The following CCDC12 variants were observed in gnomAD, a reference collection of about 807,000 sequenced individuals.
CCDC12 encodes coiled-coil domain-containing protein 12.
Under a neutral mutation model 25.7 loss-of-function variants are expected in CCDC12, and 28 were observed. That is an observed-to-expected ratio of 1.09 (90% CI 0.81 to 1.50). The LOEUF is 1.50. CCDC12 is among the 40% of genes most tolerant of loss of function. CCDC12 has a pLI of 0.00. For synonymous variants in CCDC12, 75 were observed against 87.7 expected (o/e 0.86, Z 0.81); for missense variants, 198 against 210.0 (o/e 0.94, Z 0.35).
At chr3:46,976,968 A>AG (rs1261452468), upstream of CCDC12, 56 of 546,128 alleles carry the variant, frequency 1.0e-4, no homozygotes, top group African/African-American at 1.4e-4. Flanking sequence ...AAAAAAAAAA[A>AG]AGAAAAAAAA....
chr3:46,979,085 A>G (rs1375106826), upstream of CCDC12, among the ~76,000 whole-genome samples: 1 of 151,980 alleles, frequency 6.6e-6, no homozygotes, highest in African/African-American at 2.4e-5. Context: ...GAATGGGGGG[A>G]GCCCCTCCAC....
chr3:46,925,060 A>T (rs1051786722), intron 3 of CCDC12: 8 of 368,098 alleles, frequency 2.2e-5, no homozygotes, highest in Middle Eastern at 9.6e-4. Context: ...TGTGTGGCTG[A>T]ATGACTGGCC....
At chr3:46,978,920 T>C (rs1028123483), upstream of CCDC12, among the ~76,000 whole-genome samples, 2 of 152,036 alleles carry the variant, frequency 1.3e-5, no homozygotes, top group African/African-American at 4.8e-5. Context: ...GAGGCGGAGA[T>C]TGCAGTGAGC....
chr3:46,940,737 A>G, intron 2 of CCDC12: 1 of 510,300 alleles, frequency 2.0e-6, no homozygotes, highest in Non-Finnish European at 3.5e-6. Flanking sequence ...AAGGGTAAAA[A>G]GGCATAATGT....
intron 2 of CCDC12, among the ~76,000 whole-genome samples, chr3:46,933,929 T>TC (rs1482547913): frequency 1.3e-5 from 2 of 151,536 alleles, no homozygotes; most frequent in Admixed American, 6.6e-5. Flanking sequence ...ATTGAAAATT[T>TC]TTTTTTTTTT....
chr3:46,944,642 C>T (rs892308011), intron 1 of CCDC12, among the ~76,000 whole-genome samples: 4 of 152,048 alleles, frequency 2.6e-5, no homozygotes, highest in Non-Finnish European at 4.4e-5. Flanking sequence ...TAGCTCCCCA[C>T]CACAACCAAG....
At chr3:46,955,425 GC>G (rs893352175) in intron 1 of CCDC12, among the ~76,000 whole-genome samples, 9 of 152,154 alleles carry the variant, frequency 5.9e-5, no homozygotes, top group African/African-American at 1.9e-4. Context: ...TGCATCCAAA[GC>G]CTGAATGCCA....
At chr3:46,957,250 A>T (rs1013194166) in intron 1 of CCDC12, among the ~76,000 whole-genome samples, 1 of 152,122 alleles carries the variant, frequency 6.6e-6, no homozygotes, top group African/African-American at 2.4e-5. Flanking sequence ...ATAAGATTTG[A>T]TTCAAGATTG....
intron 3 of CCDC12, chr3:46,925,193 C>T: frequency 1.5e-6 from 1 of 653,406 alleles, no homozygotes; most frequent in South Asian, 1.5e-5. Flanking sequence ...TTTTCAAACC[C>T]CACTCAGATC....
chr3:46,933,836 C>T (rs998522159), intron 2 of CCDC12, among the ~76,000 whole-genome samples: 1 of 152,140 alleles, frequency 6.6e-6, no homozygotes, highest in Non-Finnish European at 1.5e-5. Flanking sequence ...TGTTACAAAA[C>T]AGCATGATAT....
At chr3:46,977,126 A>C (rs2035023484), upstream of CCDC12, 1 of 200,890 alleles carries the variant, frequency 5.0e-6, no homozygotes, top group Non-Finnish European at 1.0e-5. Flanking sequence ...GGCCTCTTGG[A>C]ATGCCCTGAC....
At chr3:46,956,195 G>A (rs2034283533) in intron 1 of CCDC12, among the ~76,000 whole-genome samples, 1 of 152,186 alleles carries the variant, frequency 6.6e-6, no homozygotes, top group Non-Finnish European at 1.5e-5. Flanking sequence ...AAACTGGTAG[G>A]GCTGCAGAGG....
At chr3:46,954,099 G>A (rs1406619655) in intron 1 of CCDC12, among the ~76,000 whole-genome samples, 3 of 71,826 alleles carry the variant, frequency 4.2e-5, no homozygotes, top group African/African-American at 1.3e-4. Context: ...CTTCCCCATT[G>A]CCTCACAGTG....
chr3:46,979,794 C>T, upstream of CCDC12: 1 of 383,974 alleles, frequency 2.6e-6, no homozygotes, highest in Non-Finnish European at 4.6e-6. Context: ...TGGCCGAGGG[C>T]AACCGGCGGG....
intron 1 of CCDC12, among the ~76,000 whole-genome samples, chr3:46,949,805 G>A (rs1176779918): frequency 6.6e-6 from 1 of 152,208 alleles, no homozygotes; most frequent in South Asian, 2.1e-4. Flanking sequence ...AAGGCAGGTG[G>A]ATCATAAGGT....
chr3:46,937,283 C>G (rs551780796), intron 2 of CCDC12, among the ~76,000 whole-genome samples: 1 of 152,324 alleles, frequency 6.6e-6, no homozygotes, highest in East Asian at 1.9e-4. Context: ...CCACCCAAAC[C>G]CTACCATCTG....
intron 2 of CCDC12, among the ~76,000 whole-genome samples, chr3:46,934,065 G>A (rs1488438765): frequency 1.1e-4 from 17 of 152,136 alleles, no homozygotes; most frequent in Middle Eastern, 3.4e-3. Flanking sequence ...GATTACAGGC[G>A]TGAGCCACAG....
At chr3:46,946,520 C>A (rs554706426) in intron 1 of CCDC12, among the ~76,000 whole-genome samples, 10 of 152,370 alleles carry the variant, frequency 6.6e-5, no homozygotes, top group African/African-American at 2.4e-4. Flanking sequence ...ACTGTCACAG[C>A]CTGCAGAGCA....
intron 1 of CCDC12, among the ~76,000 whole-genome samples, chr3:46,964,552 T>C (rs902843666): frequency 8.5e-5 from 13 of 152,350 alleles, no homozygotes; most frequent in Middle Eastern, 3.4e-3. Context: ...GGATGGTTGC[T>C]GTGTCTGTGT....
Sources: allele counts gnomAD v4.1 joint callset (sites outside exome capture counted in the v4.1 genomes callset), GRCh38; gene constraint gnomAD v4.1.1; transcripts MANE v1.5; gene names NCBI Gene and HGNC (gene_info 2026-07-23, HGNC 2026-07-21).